CTTNBP2: variants seen among roughly 807,000 people sequenced by gnomAD.
CTTNBP2 encodes the protein cortactin-binding protein 2.
A neutral mutation model predicts 156.9 loss-of-function variants in CTTNBP2; 108 were observed. That is an observed-to-expected ratio of 0.69 (90% confidence interval 0.59 to 0.81). The LOEUF (loss-of-function observed/expected upper bound fraction) is 0.81. Ranked by LOEUF, CTTNBP2 falls within the 30% of genes least tolerant of loss-of-function variation. The probability of loss-of-function intolerance (pLI) is 0.00; values close to 1 mark genes in which losing one functional copy is unlikely to be tolerated. For missense variants in CTTNBP2, 1,924 were observed against 2,035.4 expected, an observed-to-expected ratio of 0.95 and a Z score of 1.05; for synonymous variants, 767 against 751.8, an observed-to-expected ratio of 1.02 and a Z score of -0.33.
chr7:117,859,010 C>T (rs966612748), intron 2 of CTTNBP2, among the ~76,000 whole-genome samples: 2 of 152,064 alleles, frequency 1.3e-5, no homozygotes, highest in African/African-American at 4.8e-5. Context: ...TGTTTTATCA[C>T]GTCTTTCAGT....
intron 6 of CTTNBP2, among the ~76,000 whole-genome samples, chr7:117,781,342 C>T (rs1696412235): frequency 6.6e-6 from 1 of 152,192 alleles, no homozygotes; most frequent in South Asian, 2.1e-4. Flanking sequence ...CTTTTATTTT[C>T]ACTCCAATGA....
intron 20 of CTTNBP2, among the ~76,000 whole-genome samples, chr7:117,720,420 C>T (rs1794717247): frequency 6.6e-6 from 1 of 152,010 alleles, no homozygotes; most frequent in African/African-American, 2.4e-5. Context: ...AAATTTATAG[C>T]ACTTAAAAAT....
At chr7:117,772,863 G>A (rs1344751317) in intron 8 of CTTNBP2, among the ~76,000 whole-genome samples, 1 of 152,172 alleles carries the variant, frequency 6.6e-6, no homozygotes, top group Non-Finnish European at 1.5e-5. Flanking sequence ...TCTTGGATGA[G>A]AGGTGGAGCA....
chr7:117,839,482 TAAATAG>T (rs960738260), intron 2 of CTTNBP2, among the ~76,000 whole-genome samples: 1 of 152,192 alleles, frequency 6.6e-6, no homozygotes, highest in Non-Finnish European at 1.5e-5. Context: ...GGGATCATAA[TAAATAG>T]AAAACTTCAA....
chr7:117,800,626 G>A (rs1457255540), intron 3 of CTTNBP2, among the ~76,000 whole-genome samples: 1 of 152,060 alleles, frequency 6.6e-6, no homozygotes, highest in Non-Finnish European at 1.5e-5. Context: ...CAGTAAATGA[G>A]TAAATATACT....
chr7:117,760,505 G>A lies in CTTNBP2; in HGVS notation c.3102C>T (p.Asp1034=), dbSNP rs752008933. 34 of 1,614,074 alleles carry A rather than the reference G, an allele frequency of 2.1e-5. 1 individual carries two copies. The highest frequency in any genetic ancestry group is 1.3e-4 in the East Asian group (6 of 44,876). Residue 1034 remains aspartate (D), a synonymous_variant, in exon 10 of 23, where the codon GAC becomes GAT. Transcript: ENST00000160373. ...AATCAGTGGTGTTATTGCAAGTCACGTCTTCCAGACTCCACCATCCATCAG... is the reference window on the plus strand; with the variant it reads ...AATCAGTGGTGTTATTGCAAGTCACATCTTCCAGACTCCACCATCCATCAG... The part of the protein sequence containing the change: ...ISSDGWWSLE[D]VTCNNTTDSN...
chr7:117,811,552 C>A (rs1270227779), intron 2 of CTTNBP2, among the ~76,000 whole-genome samples: 8 of 152,202 alleles, frequency 5.3e-5, no homozygotes, highest in Non-Finnish European at 2.9e-5. Flanking sequence ...ATCCCCCAGC[C>A]TTGGCCTCCC....
rs147644641 is a variant in CTTNBP2, at chr7:117,804,760, G to A, written c.414+6005C>T. Among the ~76,000 whole-genome samples, 360 of 152,258 alleles carry A rather than the reference G, an allele frequency of 2.4e-3. 1 individual carries two copies. Among genetic ancestry groups the A allele is most frequent in the African/African-American group, 8.2e-3 (340 of 41,554 alleles). The stretch of plus-strand genomic sequence containing the variant: ...ACAGGGAGGGGCACAACACACACTG[G>A]GGCCTGTTGGGGCATGGCAGGGGTA... On this transcript the variant is annotated intron_variant, in intron 3 of 22. Transcript: ENST00000160373.
At chr7:117,750,944 C>A (rs1562972106) in intron 12 of CTTNBP2, among the ~76,000 whole-genome samples, 1 of 152,126 alleles carries the variant, frequency 6.6e-6, no homozygotes, top group East Asian at 1.9e-4. Context: ...AGAATTATCC[C>A]CTAAGTGCAC....
chr7:117,832,517 T>A (rs1255275972), intron 2 of CTTNBP2, among the ~76,000 whole-genome samples: 1 of 151,332 alleles, frequency 6.6e-6, no homozygotes, highest in East Asian at 1.9e-4. Flanking sequence ...TCTGACTCTT[T>A]ATTCTCTCTC....
At chr7:117,865,341 G>C (rs1168444311) in intron 1 of CTTNBP2, among the ~76,000 whole-genome samples, 5 of 151,838 alleles carry the variant, frequency 3.3e-5, no homozygotes, top group Non-Finnish European at 7.4e-5. Flanking sequence ...ATTTTTTAGT[G>C]ATGAAAAGAA....
chr7:117,724,533 C>T lies in CTTNBP2; in HGVS notation c.4447+14G>A, dbSNP rs767436511. ...CACCTCCTGGTAGGCAACATGCCTACCCCCGCCCTTTACCTTCAGTGCTTA... is the reference window on the plus strand; with the variant it reads ...CACCTCCTGGTAGGCAACATGCCTATCCCCGCCCTTTACCTTCAGTGCTTA... On this transcript the variant is annotated intron_variant, in intron 19 of 22. Transcript: ENST00000160373. 4 of 1,603,108 alleles carry T rather than the reference C, an allele frequency of 2.5e-6. No homozygotes were observed. The highest frequency in any genetic ancestry group is 2.2e-5 in the East Asian group (1 of 44,694).
At chr7:117,836,093 A>G (rs1309245763) in intron 2 of CTTNBP2, among the ~76,000 whole-genome samples, 1 of 152,164 alleles carries the variant, frequency 6.6e-6, no homozygotes, top group Non-Finnish European at 1.5e-5. Flanking sequence ...TACCACCCAG[A>G]CTAAGTCTGA....
chr7:117,800,714 T>C (rs1284809275), intron 3 of CTTNBP2, among the ~76,000 whole-genome samples: 1 of 152,054 alleles, frequency 6.6e-6, no homozygotes, highest in Non-Finnish European at 1.5e-5. Context: ...ATATACTCTA[T>C]GGCTTGGAAT....
At chr7:117,747,038 C>T (rs1033505154) in intron 12 of CTTNBP2, among the ~76,000 whole-genome samples, 2 of 152,168 alleles carry the variant, frequency 1.3e-5, no homozygotes, top group African/African-American at 4.8e-5. Flanking sequence ...GACACCCCTG[C>T]ACCCTGCCCA....
At chr7:117,837,371 T>TTGCATA in intron 2 of CTTNBP2, among the ~76,000 whole-genome samples, 1 of 152,288 alleles carries the variant, frequency 6.6e-6, no homozygotes, top group East Asian at 1.9e-4. Flanking sequence ...ACAGCATTCT[T>TTGCATA]TGCATATTTT....
chr7:117,832,634 T>C (rs1366626866), intron 2 of CTTNBP2, among the ~76,000 whole-genome samples: 2 of 151,976 alleles, frequency 1.3e-5, no homozygotes, highest in East Asian at 3.9e-4. Context: ...TGCTCTACTA[T>C]CTGAGATATC....
chr7:117,797,752 T>C (rs1449499940), intron 3 of CTTNBP2, among the ~76,000 whole-genome samples: 1 of 152,140 alleles, frequency 6.6e-6, no homozygotes, highest in Non-Finnish European at 1.5e-5. Context: ...AAGTATTCGA[T>C]TTGAAGAGCA....
intron 2 of CTTNBP2, among the ~76,000 whole-genome samples, chr7:117,820,298 G>A (rs1240627813): frequency 6.6e-6 from 1 of 152,136 alleles, no homozygotes; most frequent in Admixed American, 6.5e-5. Context: ...GTCAATAACT[G>A]GAGCACAGAT....
Sources: gnomAD v4.1 joint callset for allele counts (sites outside exome capture counted in the v4.1 genomes callset) on GRCh38, gnomAD v4.1.1 for gene constraint, MANE v1.5 for transcripts, NCBI Gene and HGNC (gene_info 2026-07-23, HGNC 2026-07-21) for gene names.